ZNF93: variants seen among roughly 807,000 people sequenced by gnomAD.
ZNF93 encodes the protein zinc finger protein 93.
ZNF93 carries 29 observed loss-of-function variants against 45.0 expected under a neutral mutation model. The ratio of observed to expected loss-of-function variants is 0.64; its 90% CI spans 0.48 to 0.88. The LOEUF (loss-of-function observed/expected upper bound fraction) is 0.88, where lower values mean the gene tolerates loss of function less well. Among genes scored for constraint, ZNF93 ranks in the 40% least tolerant of loss-of-function variants. The pLI, the probability that ZNF93 is intolerant of heterozygous loss-of-function variation, is 0.00. For missense variants in ZNF93, 578 were observed against 724.0 expected (o/e 0.80, Z 2.31); for synonymous variants, 223 against 244.6 (o/e 0.91, Z 0.82).
intron 3 of ZNF93, among the ~76,000 whole-genome samples, chr19:19,929,463 C>T (rs1009301742): frequency 3.9e-5 from 6 of 152,104 alleles, no homozygotes; most frequent in East Asian, 3.9e-4. Context: ...ATGTATATCT[C>T]GCTTCACTTT....
At chr19:19,932,699 C>T in intron 3 of ZNF93, 1 of 152,442 alleles carries the variant, frequency 6.6e-6, no homozygotes, top group Non-Finnish European at 1.5e-5. Flanking sequence ...TACTTTTTCA[C>T]CTTTATACTC....
intron 1 of ZNF93, among the ~76,000 whole-genome samples, chr19:19,906,272 T>C (rs1040370509): frequency 6.6e-6 from 1 of 151,576 alleles, no homozygotes; most frequent in African/African-American, 2.4e-5. Context: ...TTCTTTAATT[T>C]CTGTAATGAT....
chr19:19,931,927 C>A, intron 3 of ZNF93: 1 of 342,786 alleles, frequency 2.9e-6, no homozygotes, highest in South Asian at 2.2e-5. Flanking sequence ...CTCATAACAA[C>A]TTCAATTGAA....
In ZNF93 at chr19:19,920,504, G is replaced by A. The variant is rs545459435; in HGVS notation, c.226+3849G>A. ...GATTCCCTCTTTTTCTATTGATTGG[G>A]ATAGTTCCAGAAGGAATGGTACCGG... On this transcript the variant is annotated intron_variant, in intron 3 of 3. Coordinates refer to ENST00000343769, the MANE Select transcript of ZNF93 (RefSeq NM_031218.4). 5.1e-4 allele frequency among the ~76,000 whole-genome samples: 77 copies of A among 152,258 alleles called. 1 individual carries two copies. Among genetic ancestry groups the A allele is most frequent in the African/African-American group, 1.8e-3 (73 of 41,546 alleles).
intron 3 of ZNF93, among the ~76,000 whole-genome samples, chr19:19,926,570 G>C (rs2122189268): frequency 6.7e-6 from 1 of 149,566 alleles, no homozygotes; most frequent in East Asian, 2.0e-4. Flanking sequence ...TGCAACCTCT[G>C]CCTCCGGGGT....
At chr19:19,918,066 C>CA (rs1358207471) in intron 3 of ZNF93, among the ~76,000 whole-genome samples, 1 of 151,848 alleles carries the variant, frequency 6.6e-6, no homozygotes, top group Non-Finnish European at 1.5e-5. Context: ...TCGTCATTTA[C>CA]ATTAGGTGTA....
At chr19:19,923,962 C>T (rs372229523) in intron 3 of ZNF93, among the ~76,000 whole-genome samples, 11 of 152,264 alleles carry the variant, frequency 7.2e-5, no homozygotes, top group African/African-American at 1.4e-4. Flanking sequence ...GAGATGAACC[C>T]GGTACCTCAG....
chr19:19,929,514 T>C (rs1402549113), intron 3 of ZNF93, among the ~76,000 whole-genome samples: 1 of 152,236 alleles, frequency 6.6e-6, no homozygotes, highest in African/African-American at 2.4e-5. Context: ...TCTGATGTTA[T>C]GTACACATAT....
chr19:19,909,645 T>C (rs779301224), intron 1 of ZNF93: 7 of 152,260 alleles, frequency 4.6e-5, no homozygotes, highest in Non-Finnish European at 8.8e-5. Flanking sequence ...TTTAATTGTG[T>C]AATAAGACCA....
At position 19,933,850 on chromosome 19, in the gene ZNF93, A is replaced by T. The variant is rs553861262; in HGVS notation, c.895A>T (p.Thr299Ser). 7.7e-5 allele frequency: 125 copies of T among 1,612,952 alleles called. No individual in the cohort carries two copies. The African/African-American group carries it at 1.4e-3, about 18-fold the overall frequency. The stretch of plus-strand genomic sequence containing the variant: ...TGGCAAAGCTTTTAACCAATCCTCA[A>T]CACTTACTAAACATAAGAAAATTCA... ...ECGKAFNQSS[T>S]LTKHKKIHTG... The change falls in exon 4 of 4, where the codon ACA (threonine) becomes TCA (serine). Residue 299 changes from threonine (T) to serine (S), a missense_variant. Thr to Ser is a moderately conservative substitution (Grantham distance 58, BLOSUM62 1). Transcript: ENST00000343769.
In ZNF93 at chr19:19,934,441, C is replaced by A; in HGVS notation, c.1486C>A (p.Leu496Ile). 1 of 1,613,390 alleles carries A rather than the reference C, an allele frequency of 6.2e-7. No individual in the cohort carries two copies. Among genetic ancestry groups the A allele is most frequent in the Non-Finnish European group, 8.5e-7 (1 of 1,180,006 alleles). The change falls in exon 4 of 4, where the codon CTT becomes ATT. Residue 496 changes from leucine to isoleucine, a missense_variant. Physicochemically the swap from Leu to Ile is conservative, Grantham distance 5. Coordinates refer to ENST00000343769, the MANE Select transcript of ZNF93 (RefSeq NM_031218.4). ...CGKAFNQSSS[L>I]TKHKKIHTGE... The stretch of plus-strand genomic sequence containing the variant: ...CAAAGCTTTTAACCAGTCCTCTTCC[C>A]TTACTAAACATAAGAAAATTCATAC...
intron 1 of ZNF93, 34 bp from the exon 2 acceptor site, chr19:19,915,246 C>A: frequency 2.5e-6 from 4 of 1,612,674 alleles, no homozygotes; most frequent in Non-Finnish European, 3.4e-6. Context: ...CCACCCATGG[C>A]CACTTGGTGA....
chr19:19,914,931 T>C, intron 1 of ZNF93: 1 of 322,026 alleles, frequency 3.1e-6, no homozygotes, highest in East Asian at 9.8e-5. Context: ...ATTTGAGAGG[T>C]GACTTCTAAC....
Position 19,915,432 on chromosome 19 carries a change from C to T in ZNF93, c.130+26C>T, listed in dbSNP as rs756970772. On this transcript the variant is annotated intron_variant, in intron 2 of 3. Transcript: ENST00000343769. ...GTGAGGATAACTTTAATACATAATT[C>T]ATAATACACCCTAAAGGTTTTATTT... 1.4e-5 allele frequency: 22 copies of T among 1,602,704 alleles called. No individual in the cohort carries two copies. The African/African-American group carries it at 2.6e-4, about 19-fold the overall frequency.
chr19:19,900,988 T>C lies in ZNF93; in HGVS notation c.-101T>C. ...GAGCTCCAGGTCTCCTCTTCACTAC[T>C]CTGTGTCCTGTGCTCCTACAGGCCC... On this transcript the variant is annotated 5_prime_UTR_variant, in exon 1 of 4. Coordinates refer to ENST00000343769, the MANE Select transcript of ZNF93 (RefSeq NM_031218.4). The C allele has an allele frequency of 4.5e-6, 7 of 1,560,428 alleles. No homozygotes were observed. The highest frequency in any genetic ancestry group is 6.2e-6 in the Non-Finnish European group (7 of 1,133,152).
intron 1 of ZNF93, chr19:19,908,843 C>CAAAAAAAAAAA (rs35508249): frequency 1.4e-5 from 1 of 73,258 alleles, no homozygotes; most frequent in African/African-American, 5.1e-5. Flanking sequence ...AACTCCGTCT[C>CAAAAAAAAAAA]AAAAAAAAAA....
At chr19:19,918,500 A>T (rs1026714696) in intron 3 of ZNF93, among the ~76,000 whole-genome samples, 2 of 152,084 alleles carry the variant, frequency 1.3e-5, no homozygotes, top group Admixed American at 1.3e-4. Context: ...TGGTATTTCT[A>T]GTTCTAGATC....
chr19:19,912,476 C>CG (rs1491523760), intron 1 of ZNF93, among the ~76,000 whole-genome samples: 2 of 142,536 alleles, frequency 1.4e-5, no homozygotes, highest in East Asian at 4.1e-4. Flanking sequence ...GCAGATAAAT[C>CG]GGGAAAAAAA....
intron 3 of ZNF93, among the ~76,000 whole-genome samples, chr19:19,924,826 G>A (rs1024577335): frequency 2.6e-5 from 4 of 151,900 alleles, no homozygotes; most frequent in Admixed American, 2.0e-4. Context: ...CCTGACCTCA[G>A]GTGATCCACC....
Sources: allele counts gnomAD v4.1 joint callset (sites outside exome capture counted in the v4.1 genomes callset), GRCh38; gene constraint gnomAD v4.1.1; transcripts MANE v1.5; gene names NCBI Gene and HGNC (gene_info 2026-07-23, HGNC 2026-07-21).